Variants in INSC observed in about 807,000 individuals in gnomAD.
INSC encodes protein inscuteable homolog.
INSC carries 67 observed loss-of-function variants against 58.6 expected under a neutral mutation model. The observed-to-expected ratio is 1.14, with a 90% confidence interval of 0.94 to 1.40. INSC has a LOEUF of 1.40. Ranked by LOEUF, INSC falls within the 40% of genes most tolerant of loss-of-function variation. The pLI, the probability that INSC is intolerant of heterozygous loss-of-function variation, is 0.00. For synonymous variants in INSC, 262 were observed against 276.1 expected (o/e 0.95, Z 0.51); for missense variants, 714 against 692.0 (o/e 1.03, Z -0.36).
At chr11:15,133,946 T>A (rs1021845208) in intron 1 of INSC, among the ~76,000 whole-genome samples, 3 of 152,196 alleles carry the variant, frequency 2.0e-5, no homozygotes, top group African/African-American at 7.2e-5. Flanking sequence ...GTTTACTTTA[T>A]AAGGAGAAGG....
chr11:15,112,896 G>T (rs1161957011), upstream of INSC, among the ~76,000 whole-genome samples: 1 of 152,060 alleles, frequency 6.6e-6, no homozygotes, highest in Non-Finnish European at 1.5e-5. Flanking sequence ...CTCATGAGCT[G>T]GGCAGAGATT....
chr11:15,245,698 C>G (rs1002511510), intron 12 of INSC, among the ~76,000 whole-genome samples: 3 of 152,148 alleles, frequency 2.0e-5, no homozygotes, highest in Non-Finnish European at 4.4e-5. Flanking sequence ...GATCAAGGTG[C>G]AAATAAAGCT....
At chr11:15,181,988 G>T (rs138480212) in intron 5 of INSC, among the ~76,000 whole-genome samples, 61 of 152,180 alleles carry the variant, frequency 4.0e-4, no homozygotes, top group African/African-American at 1.4e-3. Flanking sequence ...CAGCCAGGAG[G>T]GCCTCATTCC....
At chr11:15,264,129 G>A in the INSC span, among the ~76,000 whole-genome samples, 1 of 95,672 alleles carries the variant, frequency 1.0e-5, no homozygotes, top group Admixed American at 1.2e-4. Context: ...TCTACCAGTA[G>A]CCTTAATTAT....
At chr11:15,217,466 C>T (rs1851263720) in intron 7 of INSC, among the ~76,000 whole-genome samples, 1 of 152,268 alleles carries the variant, frequency 6.6e-6, no homozygotes, top group East Asian at 1.9e-4. Context: ...GTAGGTAGGC[C>T]TAAATCTAAT....
chr11:15,181,488 G>C (rs915386657), intron 5 of INSC, among the ~76,000 whole-genome samples: 1 of 152,050 alleles, frequency 6.6e-6, no homozygotes, highest in African/African-American at 2.4e-5. Context: ...TACAAACTGA[G>C]AAGTCCTGAA....
chr11:15,159,851 C>T lies in INSC; in HGVS notation c.56+10621C>T, dbSNP rs538113463. 1.6e-4 allele frequency among the ~76,000 whole-genome samples: 24 copies of T among 152,282 alleles called. No individual in the cohort carries two copies. The South Asian group carries it at 3.3e-3, about 21-fold the overall frequency. On this transcript the variant is annotated intron_variant, in intron 2 of 12. Coordinates refer to ENST00000379556, the MANE Select transcript of INSC (RefSeq NM_001042536.3). Reference sequence around the variant, plus strand: ...TCCACATGATAATTGGCATAGGGCCCGTCCTCAATTAGTGCTATTATAATG... The same window carrying T: ...TCCACATGATAATTGGCATAGGGCCTGTCCTCAATTAGTGCTATTATAATG...
intron 1 of INSC, among the ~76,000 whole-genome samples, chr11:15,131,574 T>C (rs1274406417): frequency 6.6e-6 from 1 of 152,160 alleles, no homozygotes; most frequent in Non-Finnish European, 1.5e-5. Context: ...TGTTGAAGTG[T>C]ATGTGATTCA....
the INSC span, among the ~76,000 whole-genome samples, chr11:15,259,050 A>G: frequency 6.6e-6 from 1 of 152,176 alleles, no homozygotes; most frequent in Non-Finnish European, 1.5e-5. Context: ...CTCCTGGTCC[A>G]CTGGGCTCTA....
rs1052300881 is a variant in INSC, at chr11:15,146,663, T to C, written c.-45-2467T>C. Among the ~76,000 whole-genome samples, 9 of 152,330 alleles carry C rather than the reference T, an allele frequency of 5.9e-5. No individual in the cohort carries two copies. The East Asian group carries it at 1.7e-3, about 29-fold the overall frequency. On this transcript the variant is annotated intron_variant, in intron 1 of 12. Coordinates refer to ENST00000379556, the MANE Select transcript of INSC (RefSeq NM_001042536.3). ...GGCTCCTGAAGGAAAAGAAGTCGAT[T>C]GTTTTGCCTTGTTCCTGCTGTGTTC...
intron 7 of INSC, among the ~76,000 whole-genome samples, chr11:15,203,719 G>C (rs1450197683): frequency 6.6e-6 from 1 of 152,168 alleles, no homozygotes; most frequent in Non-Finnish European, 1.5e-5. Context: ...AAAACCTCTT[G>C]TCTTCATGGA....
At chr11:15,129,921 C>T (rs1276369229) in intron 1 of INSC, among the ~76,000 whole-genome samples, 1 of 152,228 alleles carries the variant, frequency 6.6e-6, no homozygotes, top group African/African-American at 2.4e-5. Context: ...CTGGTGGAAC[C>T]AGCCCTGTGT....
intron 1 of INSC, among the ~76,000 whole-genome samples, chr11:15,135,161 G>A (rs1399839246): frequency 6.6e-6 from 1 of 152,094 alleles, no homozygotes; most frequent in Non-Finnish European, 1.5e-5. Context: ...CATGACCAAT[G>A]CATAGAATTG....
chr11:15,218,624 AAG>A (rs1386857174), intron 7 of INSC, among the ~76,000 whole-genome samples: 1 of 152,166 alleles, frequency 6.6e-6, no homozygotes, highest in Non-Finnish European at 1.5e-5. Context: ...GAGTTACCAA[AAG>A]AGATCTGAAG....
At chr11:15,218,876 T>C (rs887280646) in intron 7 of INSC, among the ~76,000 whole-genome samples, 1 of 152,208 alleles carries the variant, frequency 6.6e-6, no homozygotes, top group Non-Finnish European at 1.5e-5. Flanking sequence ...GCCATTCCTT[T>C]AGCTTTGCTT....
intron 1 of INSC, among the ~76,000 whole-genome samples, chr11:15,116,346 G>T (rs1847693050): frequency 6.6e-6 from 1 of 152,222 alleles, no homozygotes; most frequent in African/African-American, 2.4e-5. Context: ...AGTGAATTGA[G>T]CTGGGTTGAT....
At chr11:15,255,536 C>G in the INSC span, among the ~76,000 whole-genome samples, 1 of 152,092 alleles carries the variant, frequency 6.6e-6, no homozygotes, top group Non-Finnish European at 1.5e-5. Context: ...GCAATGACAG[C>G]CTTTGGGAAC....
the INSC span, among the ~76,000 whole-genome samples, chr11:15,257,762 G>A: frequency 1.3e-5 from 2 of 152,090 alleles, no homozygotes; most frequent in Non-Finnish European, 2.9e-5. Context: ...CGGAGTCAAA[G>A]AACTACCAGA....
At chr11:15,127,495 T>C (rs1349234772) in intron 1 of INSC, among the ~76,000 whole-genome samples, 2 of 152,188 alleles carry the variant, frequency 1.3e-5, no homozygotes, top group Non-Finnish European at 2.9e-5. Flanking sequence ...GCGTCAATGC[T>C]GGATGAGTAA....
Sources: allele counts gnomAD v4.1 joint callset (sites outside exome capture counted in the v4.1 genomes callset), GRCh38; gene constraint gnomAD v4.1.1; transcripts MANE v1.5; gene names NCBI Gene and HGNC (gene_info 2026-07-23, HGNC 2026-07-21).